PLCXD1: variants seen among roughly 807,000 people sequenced by gnomAD.
PLCXD1 encodes the protein PI-PLC X domain-containing protein 1.
A neutral mutation model predicts 37.8 loss-of-function variants in PLCXD1; 45 were observed. That is an observed-to-expected ratio of 1.19 (90% CI 0.94 to 1.53). The LOEUF (loss-of-function observed/expected upper bound fraction) is 1.53, where lower values mean the gene tolerates loss of function less well. Ranked by LOEUF, PLCXD1 falls within the 40% of genes most tolerant of loss-of-function variation. The probability of loss-of-function intolerance (pLI) is 0.00; values close to 1 mark genes in which losing one functional copy is unlikely to be tolerated. For synonymous variants in PLCXD1, 246 were observed against 206.9 expected, an observed-to-expected ratio of 1.19 and a Z score of -1.62; for missense variants, 539 against 454.7, an observed-to-expected ratio of 1.19 and a Z score of -1.69.
At chrX:279,601 C>T (rs746773416), upstream of PLCXD1, among the ~76,000 whole-genome samples, 3 of 151,944 alleles carry the variant, frequency 2.0e-5, no homozygotes, top group South Asian at 2.1e-4. Flanking sequence ...GTGAGACCCC[C>T]GTTGCTACCA....
intron 6 of PLCXD1, among the ~76,000 whole-genome samples, chrX:293,989 G>T (rs748003280): frequency 6.6e-6 from 1 of 152,254 alleles, no homozygotes; most frequent in East Asian, 1.9e-4. Flanking sequence ...ATTTTTTTTA[G>T]TTAATTCTTT....
chrX:283,891 C>G, intron 1 of PLCXD1: 3 of 187,882 alleles, frequency 1.6e-5, no homozygotes, highest in Non-Finnish European at 1.0e-5. Flanking sequence ...TTTTTTTTTT[C>G]TTTTTTGGAT....
At chrX:277,205 A>G (rs1235454754), upstream of PLCXD1, among the ~76,000 whole-genome samples, 2 of 116,956 alleles carry the variant, frequency 1.7e-5, no homozygotes, top group Non-Finnish European at 3.4e-5. Context: ...ACCTGGGGAC[A>G]GGAGGGGGCG....
At chrX:278,833 G>A (rs192372477), upstream of PLCXD1, among the ~76,000 whole-genome samples, 252 of 152,110 alleles carry the variant, frequency 1.7e-3, 1 homozygote, top group Non-Finnish European at 2.8e-3. Context: ...CTAGGTGGTC[G>A]GAGGACATCT....
rs377656781 is a variant in PLCXD1, at chrX:288,781, C to A, written c.176C>A (p.Ser59Ter). The change falls in exon 3 of 7, where the codon TCG (serine) becomes TAG (stop). Residue 59 changes from serine to a stop codon, truncating the protein, a stop_gained. Coordinates refer to ENST00000381657, the MANE Select transcript of PLCXD1 (RefSeq NM_018390.4). LOFTEE classifies it high-confidence loss of function. ...TYCLNKKSPISHEESRLLQLL... is the reference protein window; with the variant it reads ...TYCLNKKSPI ...TGCCTGAACAAGAAGTCCCCCATTTCGCACGAGGAGTCCCGGCTGCTGCAG... is the reference window on the plus strand; with the variant it reads ...TGCCTGAACAAGAAGTCCCCCATTTAGCACGAGGAGTCCCGGCTGCTGCAG... 1.9e-6 allele frequency: 3 copies of A among 1,613,670 alleles called. No individual in the cohort carries two copies. The African/African-American group carries it at 4.0e-5, about 22-fold the overall frequency.
chrX:286,213 C>T (rs2069447838), intron 2 of PLCXD1, among the ~76,000 whole-genome samples: 1 of 152,054 alleles, frequency 6.6e-6, no homozygotes, highest in South Asian at 2.1e-4. Flanking sequence ...TACAGGCACG[C>T]TCCACTATGC....
chrX:284,293 C>T lies in PLCXD1; in HGVS notation c.106C>T (p.Leu36Phe). 6.2e-7 allele frequency: 1 copy of T among 1,613,364 alleles called. No homozygotes were observed. The highest frequency in any genetic ancestry group is 8.5e-7 in the Non-Finnish European group (1 of 1,179,848). Residue 36 changes from leucine to phenylalanine, a missense_variant, in exon 2 of 7, where the codon CTC becomes TTC. Coordinates refer to ENST00000381657, the MANE Select transcript of PLCXD1 (RefSeq NM_018390.4). ...GTGTCCCCGGCTCTGGGATGTGCCC[C>T]TCCACCACCTCTCCATCCCAGGTGA... ...ALCPRLWDVP[L>F]HHLSIPGSHD...
At chrX:285,345 CGTGTACACAT>C (rs2069416681) in intron 2 of PLCXD1, among the ~76,000 whole-genome samples, 1 of 127,614 alleles carries the variant, frequency 7.8e-6, no homozygotes, top group Non-Finnish European at 1.7e-5. Flanking sequence ...CACATGCACA[CGTGTACACAT>C]GTACACACAT....
chrX:296,917 C>T (rs1446182373), intron 6 of PLCXD1, among the ~76,000 whole-genome samples: 70 of 138,466 alleles, frequency 5.1e-4, no homozygotes, highest in South Asian at 7.0e-4. Flanking sequence ...TCTTTGGGGC[C>T]ATTATTCTGT....
In PLCXD1 at chrX:300,498, ATATATG is replaced by A. The variant is rs1178216540; in HGVS notation, c.*1171_*1176del. 15 of 136,274 alleles carry A rather than the reference ATATATG, an allele frequency of 1.1e-4. No homozygotes were observed. Among genetic ancestry groups the A allele is most frequent in the African/African-American group, 3.6e-4 (12 of 32,994 alleles). 8.4% of individuals were successfully genotyped at this position (136,274 alleles called of 1,614,324 possible). A position where few individuals can be genotyped will look rare whatever the true frequency, so the allele number is the denominator to read the frequency against. On this transcript the variant is annotated 3_prime_UTR_variant, in exon 7 of 7. Transcript: ENST00000381657. ...TGTGTGTATATGTGTGTATGTGTGT[ATATATG>A]TATATGTGTGCATATGTGTATACGT...
rs1473626957 is a variant in PLCXD1, at chrX:302,854, G to T, written c.*3519G>T. 6.6e-6 allele frequency: 1 copy of T among 152,190 alleles called. No individual in the cohort carries two copies. Among genetic ancestry groups the T allele is most frequent in the Non-Finnish European group, 1.5e-5 (1 of 68,046 alleles). The allele number at this position is 152,190 out of a possible 1,614,324, so 9.4% of individuals were successfully genotyped here. A position where few individuals can be genotyped will look rare whatever the true frequency, so the allele number is the denominator to read the frequency against. On this transcript the variant is annotated 3_prime_UTR_variant, in exon 7 of 7. Coordinates refer to ENST00000381657, the MANE Select transcript of PLCXD1 (RefSeq NM_018390.4). ...CTCCCAAAGTGCTGGGATGACAGGC[G>T]TGAGCCACCGCGCCCGGCCTATACC...
chrX:297,447 C>T (rs752452792), intron 6 of PLCXD1, among the ~76,000 whole-genome samples: 3 of 88,514 alleles, frequency 3.4e-5, no homozygotes, highest in Non-Finnish European at 6.3e-5. Flanking sequence ...ACGTGGACAT[C>T]TTTGGGGACA....
At chrX:288,359 C>G (rs1162627501) in intron 2 of PLCXD1, among the ~76,000 whole-genome samples, 1 of 151,476 alleles carries the variant, frequency 6.6e-6, no homozygotes, top group Non-Finnish European at 1.5e-5. Context: ...CCTGGGGGCT[C>G]CAGGCATCCC....
At chrX:283,586 G>T (rs2069346633) in intron 1 of PLCXD1, 1 of 144,038 alleles carries the variant, frequency 6.9e-6, no homozygotes, top group South Asian at 2.2e-4. Context: ...CCGGGTGGGG[G>T]CGGCCGTGGT....
At chrX:277,427 G>A (rs867004942), upstream of PLCXD1, among the ~76,000 whole-genome samples, 30 of 12,444 alleles carry the variant, frequency 2.4e-3, no homozygotes, top group African/African-American at 5.6e-3. Flanking sequence ...GTCAGGGCAC[G>A]TGGGGACAGG....
intron 6 of PLCXD1, among the ~76,000 whole-genome samples, chrX:295,719 G>A (rs944131490): frequency 6.6e-6 from 1 of 151,874 alleles, no homozygotes; most frequent in African/African-American, 2.4e-5. Flanking sequence ...AGTAGAGACA[G>A]GGTTTCACCA....
intron 4 of PLCXD1, 120 bp from the exon 5 acceptor site, chrX:291,379 C>T (rs1205795305): frequency 1.5e-5 from 16 of 1,056,906 alleles, no homozygotes; most frequent in Non-Finnish European, 1.2e-5. Context: ...CTCCTAACCT[C>T]AGGTGATCCA....
At chrX:283,029 T>C (rs1320397576) in intron 1 of PLCXD1, 1 of 142,266 alleles carries the variant, frequency 7.0e-6, no homozygotes, top group African/African-American at 2.6e-5. Context: ...ATGTTATGTA[T>C]ATAATATGTA....
At chrX:281,843 C>T (rs1340687969) in intron 1 of PLCXD1, among the ~76,000 whole-genome samples, 159 bp downstream of exon 1, 1 of 152,104 alleles carries the variant, frequency 6.6e-6, no homozygotes, top group Non-Finnish European at 1.5e-5. Context: ...ACTACAGCCC[C>T]CGCCTCCCGG....
Sources: gnomAD v4.1 joint callset for allele counts (sites outside exome capture counted in the v4.1 genomes callset) on GRCh38, gnomAD v4.1.1 for gene constraint, MANE v1.5 for transcripts, NCBI Gene and HGNC (gene_info 2026-07-23, HGNC 2026-07-21) for gene names.